Variants in IVNS1ABP observed in about 807,000 individuals in gnomAD.
IVNS1ABP encodes the protein influenza virus NS1A binding protein.
In IVNS1ABP, 25 loss-of-function variants were observed where a neutral mutation model predicts 78.9. That is an observed-to-expected ratio of 0.32 (90% CI 0.23 to 0.44). IVNS1ABP has a LOEUF of 0.44. Ranked by LOEUF, IVNS1ABP falls within the 20% of genes least tolerant of loss-of-function variation. The pLI is 1.00. For synonymous variants in IVNS1ABP, 241 were observed against 259.7 expected (o/e 0.93, Z 0.69); for missense variants, 494 against 768.9 (o/e 0.64, Z 4.23).
chr1:185,310,321 T>C (rs1665852054), intron 2 of IVNS1ABP, among the ~76,000 whole-genome samples: 1 of 152,070 alleles, frequency 6.6e-6, no homozygotes, highest in African/African-American at 2.4e-5. Flanking sequence ...TAAAAAACAG[T>C]GATAGGCTGG....
chr1:185,309,133 C>T lies in IVNS1ABP; in HGVS notation c.151G>A (p.Ala51Thr). ...HEMLAHRAVL[A>T]CCSPYLFEIF... ...TCAAATAAATAGGGACTGCAGCAAG[C>T]TAGCACTGCTCTGTGTGCTAACATT... The change falls in exon 4 of 15, where the codon GCT becomes ACT. Residue 51 changes from alanine to threonine, a missense_variant. Transcript: ENST00000367498. 10 of 1,610,008 alleles carry T rather than the reference C, an allele frequency of 6.2e-6. No homozygotes were observed. The highest frequency in any genetic ancestry group is 6.8e-6 in the Non-Finnish European group (8 of 1,178,310).
rs146571025 is a variant in IVNS1ABP, at chr1:185,310,497, A to T, written c.-19+598T>A. 6.1e-3 allele frequency among the ~76,000 whole-genome samples: 932 copies of T among 152,238 alleles called. 16 individuals are homozygous for T. The East Asian group carries it at 0.066, about 11-fold the overall frequency. Reference sequence around the variant, plus strand: ...GTGGCGGGCGCCTGTAATCCCAGCTACTTGTGGGGGCTGAGGCAGGAGAAT... The same window carrying T: ...GTGGCGGGCGCCTGTAATCCCAGCTTCTTGTGGGGGCTGAGGCAGGAGAAT... On this transcript the variant is annotated intron_variant, in intron 2 of 14. Coordinates refer to ENST00000367498, the MANE Select transcript of IVNS1ABP (RefSeq NM_006469.5).
At chr1:185,308,764 C>T in intron 5 of IVNS1ABP, 36 bp downstream of exon 5, 1 of 1,450,218 alleles carries the variant, frequency 6.9e-7, no homozygotes, top group East Asian at 2.3e-5. Context: ...CAAAATAAGA[C>T]TCCATAAATG....
chr1:185,301,269 C>A, intron 9 of IVNS1ABP, 73 bp from the exon 10 acceptor site: 1 of 1,413,656 alleles, frequency 7.1e-7, no homozygotes, highest in Non-Finnish European at 9.9e-7. Flanking sequence ...CTGAATTGGA[C>A]TCCAGTCTCC....
Position 185,305,959 on chromosome 1 carries a change from C to T in IVNS1ABP, c.658-316G>A. 3.7e-6 allele frequency: 1 copy of T among 267,742 alleles called. No individual in the cohort carries two copies. Among genetic ancestry groups the T allele is most frequent in the Non-Finnish European group, 7.3e-6 (1 of 136,910 alleles). The allele number at this position is 267,742 out of a possible 1,614,324, so 16.6% of individuals were successfully genotyped here. The stretch of plus-strand genomic sequence containing the variant: ...AACAGTAAGAAAAAAAGCACTAGTA[C>T]AATATATACTCTTAAAGAATATACA... On this transcript the variant is annotated intron_variant, in intron 7 of 14. Coordinates refer to ENST00000367498, the MANE Select transcript of IVNS1ABP (RefSeq NM_006469.5). This position sits in a 1 kb window ranked among gnomAD's most constrained non-coding sequence, Gnocchi z 4.0.
Position 185,306,372 on chromosome 1 carries a change from CT to C in IVNS1ABP, c.657+641del, listed in dbSNP as rs1558117510. 1.6e-4 allele frequency: 136 copies of C among 862,648 alleles called. 2 individuals carry two copies. The South Asian group carries it at 2.0e-3, about 13-fold the overall frequency. 53.4% of individuals were successfully genotyped at this position (862,648 alleles called of 1,614,324 possible). A position where few individuals can be genotyped will look rare whatever the true frequency, so the allele number is the denominator to read the frequency against. On this transcript the variant is annotated intron_variant, in intron 7 of 14. Coordinates refer to ENST00000367498, the MANE Select transcript of IVNS1ABP (RefSeq NM_006469.5). ...CCCACCATTTCTCCATCAATTTTAT[CT>C]TGTGTATTTTTTTTAAAAGTAGCCC... is the stretch of plus-strand genomic sequence containing the variant.
At chr1:185,313,893 A>C (rs1665948222) in intron 1 of IVNS1ABP, among the ~76,000 whole-genome samples, 1 of 152,238 alleles carries the variant, frequency 6.6e-6, no homozygotes, top group East Asian at 1.9e-4. Flanking sequence ...GAAGACTCAT[A>C]AATGAGTAAT....
At position 185,300,045 on chromosome 1, in the gene IVNS1ABP, A is replaced by G. The variant is rs1571738162; in HGVS notation, c.1455T>C (p.Phe485=). The G allele has an allele frequency of 6.2e-7, 1 of 1,613,474 alleles. No individual in the cohort carries two copies. Residue 485 remains phenylalanine (F), a synonymous_variant, in exon 13 of 15, where the codon TTT becomes TTC. Coordinates refer to ENST00000367498, the MANE Select transcript of IVNS1ABP (RefSeq NM_006469.5). ...GQKGLKNCDV[F]DPVTKLWTSC... ...TTGTCCACAACTTTGTTACAGGATC[A>G]AATACATCACAATTTTTCAGTCCTT...
intron 6 of IVNS1ABP, 59 bp downstream of exon 6, chr1:185,307,429 AC>A: frequency 7.6e-7 from 1 of 1,311,676 alleles, no homozygotes; most frequent in Non-Finnish European, 1.1e-6. Context: ...TGAAACACAG[AC>A]CAAGATTCCA....
At chr1:185,309,285 T>C in intron 3 of IVNS1ABP, 98 bp downstream of exon 3, 1 of 1,202,734 alleles carries the variant, frequency 8.3e-7, no homozygotes, top group Admixed American at 2.6e-5. Context: ...TAAAAAATCA[T>C]TTCATTAAAT....
chr1:185,296,623 C>T lies in IVNS1ABP; in HGVS notation c.*1412G>A, dbSNP rs1408655948. 6.6e-6 allele frequency: 1 copy of T among 152,074 alleles called. No homozygotes were observed. Among genetic ancestry groups the T allele is most frequent in the Non-Finnish European group, 1.5e-5 (1 of 68,012 alleles). 9.4% of individuals were successfully genotyped at this position (152,074 alleles called of 1,614,324 possible). A position where few individuals can be genotyped will look rare whatever the true frequency, so the allele number is the denominator to read the frequency against. On this transcript the variant is annotated 3_prime_UTR_variant, in exon 15 of 15. Coordinates refer to ENST00000367498, the MANE Select transcript of IVNS1ABP (RefSeq NM_006469.5). ...AATAAAGTGGCAGAGTACCAGTGAA[C>T]ATTTGGAGAAAATACCTAATTATTT...
rs371332209 is a variant in IVNS1ABP, at chr1:185,307,516, C to G, written c.504G>C (p.Glu168Asp). Residue 168 changes from glutamate (E) to aspartate (D), a missense_variant, in exon 6 of 15, where the codon GAG becomes GAC. By Grantham distance (45) the Glu-to-Asp change is conservative. Transcript: ENST00000367498. Reference protein sequence around the residue: ...QEHLLQISEEEEFLKLPRLKL... With the variant: ...QEHLLQISEEDEFLKLPRLKL... Reference sequence around the variant, plus strand: ...TTAGCCTTGGAAGCTTAAGAAACTCCTCCTCTTCAGAAATTTGTAACAAAT... The same window carrying G: ...TTAGCCTTGGAAGCTTAAGAAACTCGTCCTCTTCAGAAATTTGTAACAAAT... 4.3e-6 allele frequency: 7 copies of G among 1,613,022 alleles called. No homozygotes were observed. The African/African-American group carries it at 8.0e-5, about 18-fold the overall frequency.
chr1:185,315,859 G>T (rs933176912), intron 1 of IVNS1ABP, among the ~76,000 whole-genome samples: 1 of 152,144 alleles, frequency 6.6e-6, no homozygotes, highest in African/African-American at 2.4e-5. Flanking sequence ...AGAAGACCAC[G>T]ACACACTCAA....
intron 1 of IVNS1ABP, among the ~76,000 whole-genome samples, chr1:185,313,099 A>G (rs1477212034): frequency 2.6e-5 from 4 of 152,326 alleles, no homozygotes; most frequent in East Asian, 3.9e-4. Context: ...TCCACTTACT[A>G]TATTTGACAA....
chr1:185,306,811 T>TA, intron 7 of IVNS1ABP: 3 of 718,398 alleles, frequency 4.2e-6, no homozygotes, highest in Admixed American at 3.6e-5. Flanking sequence ...AGCAAAGAAA[T>TA]AAAAAAAGAA....
chr1:185,304,199 T>C (rs1665676416), intron 8 of IVNS1ABP, among the ~76,000 whole-genome samples: 1 of 152,134 alleles, frequency 6.6e-6, no homozygotes, highest in Non-Finnish European at 1.5e-5. Context: ...TAAGCCTGTA[T>C]TGTTTTGCCC....
chr1:185,301,497 G>C lies in IVNS1ABP; in HGVS notation c.832C>G (p.Pro278Ala), dbSNP rs1275937761. Residue 278 changes from proline to alanine, a missense_variant, in exon 9 of 15, where the codon CCA (proline) becomes GCA (alanine). Transcript: ENST00000367498. ...TTAGGGCTTTGTACTGTAGCATTTG[G>C]AGAAGAGAGACATCCAGTTGAACTG... ...SSSSTGCLSS[P>A]NATVQSPKHE... 1 of 1,613,196 alleles carries C rather than the reference G, an allele frequency of 6.2e-7. No homozygotes were observed. Among genetic ancestry groups the C allele is most frequent in the African/African-American group, 1.3e-5 (1 of 74,958 alleles).
At chr1:185,301,274 G>C in intron 9 of IVNS1ABP, 78 bp from the exon 10 acceptor site, 1 of 1,415,794 alleles carries the variant, frequency 7.1e-7, no homozygotes, top group Non-Finnish European at 9.8e-7. Context: ...TTGGACTCCA[G>C]TCTCCACATC....
intron 1 of IVNS1ABP, among the ~76,000 whole-genome samples, chr1:185,311,937 T>C (rs1283326441): frequency 6.6e-6 from 1 of 152,342 alleles, no homozygotes; most frequent in Admixed American, 6.5e-5. Context: ...ATTTATGATC[T>C]TCCAGCTGGT....
Sources: allele counts gnomAD v4.1 joint callset (sites outside exome capture counted in the v4.1 genomes callset), GRCh38; gene constraint gnomAD v4.1.1; non-coding constraint Gnocchi (gnomAD v3.1); transcripts MANE v1.5; gene names NCBI Gene and HGNC (gene_info 2026-07-23, HGNC 2026-07-21).